PCBP4: variants seen among roughly 807,000 people sequenced by gnomAD.
PCBP4 encodes the protein poly(rC)-binding protein 4.
PCBP4 carries 24 observed loss-of-function variants against 46.2 expected under a neutral mutation model. The ratio of observed to expected loss-of-function variants is 0.52; its 90% CI spans 0.38 to 0.73. The LOEUF is 0.73. PCBP4 is among the 30% of genes least tolerant of loss of function. PCBP4 has a pLI of 0.00. For synonymous variants in PCBP4, 203 were observed against 224.4 expected, an observed-to-expected ratio of 0.90 and a Z score of 0.85; for missense variants, 407 against 537.0, an observed-to-expected ratio of 0.76 and a Z score of 2.39.
At chr3:51,966,851 G>A (rs1700456224) in intron 1 of PCBP4, among the ~76,000 whole-genome samples, 4 of 151,804 alleles carry the variant, frequency 2.6e-5, no homozygotes, top group African/African-American at 7.3e-5. Context: ...GAGCTGAAGG[G>A]CTGAAGAGCT....
rs1699931245 is a variant in PCBP4, at chr3:51,958,359, G to C, written c.924-10C>G. The C allele has an allele frequency of 6.8e-7, 1 of 1,468,748 alleles. No individual in the cohort carries two copies. The highest frequency in any genetic ancestry group is 1.4e-5 in the African/African-American group (1 of 70,564). The allele number at this position is 1,468,748 out of a possible 1,614,324, so 91.0% of individuals were successfully genotyped here. On this transcript the variant is annotated splice_polypyrimidine_tract_variant and intron_variant, in intron 13 of 13. Transcript: ENST00000461554. The surrounding 1 kb of genome is among the most constrained non-coding windows in gnomAD (Gnocchi z 5.4). Reference sequence around the variant, plus strand: ...CTTGGCCGTCTCTAGACTGGAGAGAGGGATATAGAGGGGAGACAAAGGGGA... The same window carrying C: ...CTTGGCCGTCTCTAGACTGGAGAGACGGATATAGAGGGGAGACAAAGGGGA...
intron 1 of PCBP4, among the ~76,000 whole-genome samples, chr3:51,965,143 G>T (rs991114296): frequency 1.3e-5 from 2 of 152,176 alleles, no homozygotes; most frequent in Non-Finnish European, 2.9e-5. Flanking sequence ...AAGGCCTCTA[G>T]CTTCCAATCT....
rs1479252657 is a variant in PCBP4 at position 51,960,903 on chromosome 3, G to A, written c.106-5C>T. 2 of 1,609,346 alleles carry A rather than the reference G, an allele frequency of 1.2e-6. No individual in the cohort carries two copies. Among genetic ancestry groups the A allele is most frequent in the East Asian group, 4.5e-5 (2 of 44,866 alleles). On this transcript the variant is annotated splice_polypyrimidine_tract_variant and splice_region_variant and intron_variant, in intron 4 of 13. Coordinates refer to ENST00000461554, the MANE Select transcript of PCBP4 (RefSeq NM_001174100.2). The surrounding 1 kb of genome is among the most constrained non-coding windows in gnomAD (Gnocchi z 5.0). Reference sequence around the variant, plus strand: ...TCGCTTTACAGTCTCGCCCTTCTGTGGGAGGTACAAAACAGATAATCACTC... The same window carrying A: ...TCGCTTTACAGTCTCGCCCTTCTGTAGGAGGTACAAAACAGATAATCACTC...
chr3:51,965,612 G>C (rs1700384659), intron 1 of PCBP4, among the ~76,000 whole-genome samples: 1 of 152,242 alleles, frequency 6.6e-6, no homozygotes, highest in Non-Finnish European at 1.5e-5. Flanking sequence ...TGTGCAGGGA[G>C]AAGAGTTAAG....
Position 51,957,973 on chromosome 3 carries a change from C to T in PCBP4, c.*88G>A. On this transcript the variant is annotated 3_prime_UTR_variant, in exon 14 of 14. Coordinates refer to ENST00000461554, the MANE Select transcript of PCBP4 (RefSeq NM_001174100.2). ...CTGGGCGTTAGCGGCGTTTGGGACC[C>T]CAGGGTGGAGTCTCCTTGGGCGGGT... The T allele has an allele frequency of 7.7e-7, 1 of 1,305,100 alleles. No homozygotes were observed. Among genetic ancestry groups the T allele is most frequent in the Non-Finnish European group, 1.0e-6 (1 of 957,476 alleles). The allele number at this position is 1,305,100 out of a possible 1,614,324, so 80.8% of individuals were successfully genotyped here. A position where few individuals can be genotyped will look rare whatever the true frequency, so the allele number is the denominator to read the frequency against.
At chr3:51,963,769 G>A (rs1700287471) in intron 1 of PCBP4, among the ~76,000 whole-genome samples, 2 of 152,154 alleles carry the variant, frequency 1.3e-5, no homozygotes, top group Non-Finnish European at 2.9e-5. Context: ...AGAGTTGCTG[G>A]TCTATCTGCG....
intron 2 of PCBP4, 96 bp downstream of exon 2, chr3:51,961,845 A>T (rs559553842): frequency 1.8e-4 from 131 of 727,466 alleles, no homozygotes; most frequent in Non-Finnish European, 2.1e-4. Flanking sequence ...GAAGCCTTGA[A>T]GGCAGGGAGG....
intron 1 of PCBP4, chr3:51,963,071 G>A (rs1559763451): frequency 2.0e-5 from 3 of 152,354 alleles, no homozygotes; most frequent in Middle Eastern, 3.4e-3. Context: ...CTTGGAGCAG[G>A]AGCCAAGGCT....
chr3:51,963,834 G>A (rs1007233144), intron 1 of PCBP4, among the ~76,000 whole-genome samples: 1 of 152,192 alleles, frequency 6.6e-6, no homozygotes, highest in Non-Finnish European at 1.5e-5. Context: ...GCAAGAACAA[G>A]GGGTTCTGAC....
At chr3:51,964,601 C>A (rs574511052) in intron 1 of PCBP4, among the ~76,000 whole-genome samples, 1 of 152,344 alleles carries the variant, frequency 6.6e-6, no homozygotes, top group Admixed American at 6.5e-5. Context: ...CTAGCCACAC[C>A]CAGTGATGCT....
chr3:51,964,318 C>A (rs546009900), intron 1 of PCBP4, among the ~76,000 whole-genome samples: 54 of 152,358 alleles, frequency 3.5e-4, no homozygotes, highest in South Asian at 1.4e-3. Context: ...CAGCTCACCC[C>A]ACATGCAGGG....
At position 51,958,243 on chromosome 3, in the gene PCBP4, C is replaced by A; in HGVS notation, c.1030G>T (p.Gly344Cys). The A allele has an allele frequency of 6.2e-7, 1 of 1,603,938 alleles. No individual in the cohort carries two copies. Among genetic ancestry groups the A allele is most frequent in the Non-Finnish European group, 8.5e-7 (1 of 1,175,648 alleles). The change falls in exon 14 of 14, where the codon GGC (glycine) becomes TGC (cysteine). Residue 344 changes from glycine to cysteine, a missense_variant. Physicochemically the swap from Gly to Cys is radical, Grantham distance 159 (BLOSUM62 -3). Transcript: ENST00000461554. The surrounding 1 kb of genome is among the most constrained non-coding windows in gnomAD (Gnocchi z 5.4). ...PLTALPTAPP[G>C]LLGTPYAISL... ...ATGGCATAGGGTGTGCCCAGCAGGCCAGGGGGAGCTGTGGGCAGGGCCGTC... is the reference window on the plus strand; with the variant it reads ...ATGGCATAGGGTGTGCCCAGCAGGCAAGGGGGAGCTGTGGGCAGGGCCGTC...
At position 51,958,019 on chromosome 3, in the gene PCBP4, T is replaced by G. The variant is rs777340128; in HGVS notation, c.*42A>C. The G allele has an allele frequency of 2.0e-6, 3 of 1,500,096 alleles. No individual in the cohort carries two copies. The Admixed American group carries it at 7.0e-5, about 35-fold the overall frequency. The allele number at this position is 1,500,096 out of a possible 1,614,324, so 92.9% of individuals were successfully genotyped here. ...CGGGTAGGGTGCAGAGGCAGCCCCC[T>G]GCTGGTGGTCCTGCCTGCCCCTGCC... is the stretch of plus-strand genomic sequence containing the variant. On this transcript the variant is annotated 3_prime_UTR_variant, in exon 14 of 14. Transcript: ENST00000461554. This position sits in a 1 kb window ranked among gnomAD's most constrained non-coding sequence, Gnocchi z 5.4.
At chr3:51,963,380 G>C (rs576243313) in intron 1 of PCBP4, 4 of 152,198 alleles carry the variant, frequency 2.6e-5, no homozygotes, top group African/African-American at 7.2e-5. Context: ...GGGCTCCTTC[G>C]AAAGTGGGGA....
chr3:51,958,233 C>T lies in PCBP4; in HGVS notation c.1040G>A (p.Gly347Asp). Reference sequence around the variant, plus strand: ...GGAGAGGGAGATGGCATAGGGTGTGCCCAGCAGGCCAGGGGGAGCTGTGGG... The same window carrying T: ...GGAGAGGGAGATGGCATAGGGTGTGTCCAGCAGGCCAGGGGGAGCTGTGGG... ...ALPTAPPGLLGTPYAISLSNF... is the reference protein window; with the variant it reads ...ALPTAPPGLLDTPYAISLSNF... Residue 347 changes from glycine (G) to aspartate (D), a missense_variant, in exon 14 of 14, where the codon GGC (glycine) becomes GAC (aspartate). Gly to Asp is a moderately conservative substitution (Grantham distance 94, BLOSUM62 -1). Transcript: ENST00000461554. The surrounding 1 kb of genome is among the most constrained non-coding windows in gnomAD (Gnocchi z 5.4). 1 of 1,608,616 alleles carries T rather than the reference C, an allele frequency of 6.2e-7. No homozygotes were observed. Among genetic ancestry groups the T allele is most frequent in the Non-Finnish European group, 8.5e-7 (1 of 1,177,528 alleles).
In PCBP4 at chr3:51,958,286, G is replaced by T; in HGVS notation, c.987C>A (p.Ala329=). 2 of 1,565,804 alleles carry T rather than the reference G, an allele frequency of 1.3e-6. No homozygotes were observed. Among genetic ancestry groups the T allele is most frequent in the Non-Finnish European group, 1.7e-6 (2 of 1,157,202 alleles). The part of the protein sequence containing the change: ...TPSSAPADLP[A]PFSPPLTALP... ...GGGCCGTCAGGGGTGGCGAGAAGGG[G>T]GCAGGCAGGTCTGCGGGGGCCGAGC... is the stretch of plus-strand genomic sequence containing the variant. Residue 329 remains alanine (A), a synonymous_variant, in exon 14 of 14, where the codon GCC becomes GCA. Transcript: ENST00000461554. This position sits in a 1 kb window ranked among gnomAD's most constrained non-coding sequence, Gnocchi z 5.4.
intron 1 of PCBP4, among the ~76,000 whole-genome samples, 185 bp downstream of exon 1, chr3:51,967,141 A>G (rs1465506173): frequency 6.6e-6 from 1 of 152,018 alleles, no homozygotes; most frequent in Non-Finnish European, 1.5e-5. Context: ...CCTGGTGCCA[A>G]GGGCGCCTCT....
intron 1 of PCBP4, among the ~76,000 whole-genome samples, chr3:51,964,362 A>G (rs1700316115): frequency 6.6e-6 from 1 of 152,214 alleles, no homozygotes; most frequent in African/African-American, 2.4e-5. Flanking sequence ...TTCTGGAGCA[A>G]GAACAATCCG....
intron 1 of PCBP4, among the ~76,000 whole-genome samples, chr3:51,964,199 CG>C (rs747130157): frequency 7.2e-5 from 11 of 152,228 alleles, no homozygotes; most frequent in South Asian, 2.1e-4. Context: ...CTGGAGGAGG[CG>C]GGGGGGTGAC....
Sources: allele counts gnomAD v4.1 joint callset (sites outside exome capture counted in the v4.1 genomes callset), GRCh38; gene constraint gnomAD v4.1.1; non-coding constraint Gnocchi (gnomAD v3.1); transcripts MANE v1.5; gene names NCBI Gene and HGNC (gene_info 2026-07-23, HGNC 2026-07-21).